The following RBM15 variants were observed in gnomAD, a reference collection of about 807,000 sequenced individuals.
RBM15 encodes RNA-binding protein 15.
RBM15 carries 8 observed loss-of-function variants against 62.6 expected under a neutral mutation model. The observed-to-expected ratio is 0.13, with a 90% CI of 0.07 to 0.23. RBM15 has a LOEUF of 0.23. RBM15 is among the 10% of genes least tolerant of loss of function. The probability of loss-of-function intolerance (pLI) is 1.00; values close to 1 mark genes in which losing one functional copy is unlikely to be tolerated. For synonymous variants in RBM15, 606 were observed against 505.7 expected, an observed-to-expected ratio of 1.20 and a Z score of -2.66; for missense variants, 1,144 against 1,286.5, an observed-to-expected ratio of 0.89 and a Z score of 1.69.
Position 110,345,602 on chromosome 1 carries a change from TGTTATAGTG to T in RBM15, c.*5_*13del, listed in dbSNP as rs1294681926. 6.2e-7 allele frequency: 1 copy of T among 1,611,260 alleles called. No individual in the cohort carries two copies. Among genetic ancestry groups the T allele is most frequent in the Non-Finnish European group, 8.5e-7 (1 of 1,178,880 alleles). ...AAGAGAGAAAACTTGGCGCTGACCC[TGTTATAGTG>T]GTTATAGTGGTGTCCCTAAAGGGAG... is the stretch of plus-strand genomic sequence containing the variant. On this transcript the variant is annotated stop_retained_variant and 3_prime_UTR_variant, in exon 2 of 3. Coordinates refer to ENST00000369784, the MANE Select transcript of RBM15 (RefSeq NM_022768.5).
rs371261444 is a variant in RBM15, at chr1:110,339,505, C to T, written c.100C>T (p.Leu34Phe). The stretch of plus-strand genomic sequence containing the variant: ...GAGCGCGGGGCGGCGGGTTACTCAG[C>T]TCCGCGGAGACGACCTCCGACGACC... ...ETSAGRRVTQLRGDDLRRPAT... is the reference protein window; with the variant it reads ...ETSAGRRVTQFRGDDLRRPAT... Residue 34 changes from leucine to phenylalanine, a missense_variant, in exon 1 of 3, where the codon CTC becomes TTC. Physicochemically the swap from Leu to Phe is conservative, Grantham distance 22. Around this residue, in one of 8 missense-constraint regions of RBM15, gnomAD observed 298 missense variants for 250.0 expected, o/e 1.19. Transcript: ENST00000369784. 5.1e-5 allele frequency: 81 copies of T among 1,596,174 alleles called. No individual in the cohort carries two copies. Among genetic ancestry groups the T allele is most frequent in the Non-Finnish European group, 6.9e-5 (81 of 1,168,696 alleles).
intron 2 of RBM15, among the ~76,000 whole-genome samples, chr1:110,345,940 C>T (rs917009164): frequency 6.6e-6 from 1 of 152,020 alleles, no homozygotes; most frequent in African/African-American, 2.4e-5. Context: ...TTTATAGTTT[C>T]ACTTTTTAAG....
chr1:110,341,400 T>G lies in RBM15; in HGVS notation c.1995T>G (p.Arg665=). The G allele has an allele frequency of 6.2e-7, 1 of 1,614,106 alleles. No homozygotes were observed. Among genetic ancestry groups the G allele is most frequent in the Non-Finnish European group, 8.5e-7 (1 of 1,180,032 alleles). Residue 665 remains arginine (R), a synonymous_variant, in exon 1 of 3, where the codon CGT becomes CGG. Coordinates refer to ENST00000369784, the MANE Select transcript of RBM15 (RefSeq NM_022768.5). The surrounding 1 kb of genome is among the most constrained non-coding windows in gnomAD (Gnocchi z 4.5). ...RSPESDRPRK[R]HCAPSPDRSP... Reference sequence around the variant, plus strand: ...CTGAGAGTGACCGCCCACGAAAACGTCACTGCGCTCCTTCTCCTGACCGCA... The same window carrying G: ...CTGAGAGTGACCGCCCACGAAAACGGCACTGCGCTCCTTCTCCTGACCGCA...
At position 110,340,389 on chromosome 1, in the gene RBM15, GAGAGAA is replaced by G. The variant is rs1660770492; in HGVS notation, c.990_995del (p.Glu330_Arg331del). On this transcript the variant is annotated inframe_deletion, in exon 1 of 3. Coordinates refer to ENST00000369784, the MANE Select transcript of RBM15 (RefSeq NM_022768.5). This position sits in a 1 kb window ranked among gnomAD's most constrained non-coding sequence, Gnocchi z 5.8. ...CGCCACCATTGCCTCGAGACCTGGA[GAGAGAA>G]AGAGACTACCCGTTCTATGAGAGAG... 6.2e-7 allele frequency: 1 copy of G among 1,614,088 alleles called. No individual in the cohort carries two copies. Among genetic ancestry groups the G allele is most frequent in the African/African-American group, 1.3e-5 (1 of 74,938 alleles).
Position 110,340,317 on chromosome 1 carries a change from C to G in RBM15, c.912C>G (p.Asp304Glu). The G allele has an allele frequency of 6.2e-7, 1 of 1,614,248 alleles. No homozygotes were observed. The highest frequency in any genetic ancestry group is 8.5e-7 in the Non-Finnish European group (1 of 1,180,038). The stretch of plus-strand genomic sequence containing the variant: ...GTGGCGCTGCTTTGGGATACAGAGA[C>G]TACCGGCTGCAGCAGTTGGCTCTTG... Reference protein sequence around the residue: ...SPGGAALGYRDYRLQQLALGR... With the variant: ...SPGGAALGYREYRLQQLALGR... The change falls in exon 1 of 3, where the codon GAC becomes GAG. Residue 304 changes from aspartate to glutamate, a missense_variant. By Grantham distance (45) the Asp-to-Glu change is conservative. Coordinates refer to ENST00000369784, the MANE Select transcript of RBM15 (RefSeq NM_022768.5). This position sits in a 1 kb window ranked among gnomAD's most constrained non-coding sequence, Gnocchi z 5.8.
At position 110,340,926 on chromosome 1, in the gene RBM15, G is replaced by T; in HGVS notation, c.1521G>T (p.Trp507Cys). The change falls in exon 1 of 3, where the codon TGG becomes TGT. Residue 507 changes from tryptophan to cysteine, a missense_variant. By Grantham distance (215) the Trp-to-Cys change is radical. Coordinates refer to ENST00000369784, the MANE Select transcript of RBM15 (RefSeq NM_022768.5). The surrounding 1 kb of genome is among the most constrained non-coding windows in gnomAD (Gnocchi z 5.8). ...YESLDAAHAA[W>C]THMRGFPLGG... ...GCCTGGATGCAGCGCATGCTGCCTG[G>T]ACCCATATGCGGGGCTTCCCACTTG... 1 of 1,614,216 alleles carries T rather than the reference G, an allele frequency of 6.2e-7. No homozygotes were observed. Among genetic ancestry groups the T allele is most frequent in the Non-Finnish European group, 8.5e-7 (1 of 1,180,042 alleles).
In RBM15 at chr1:110,345,138, C is replaced by T. The variant is rs932605806; in HGVS notation, c.2864-401C>T. Among the ~76,000 whole-genome samples, 7 of 152,202 alleles carry T rather than the reference C, an allele frequency of 4.6e-5. No individual in the cohort carries two copies. In the South Asian group the frequency reaches 6.2e-4, roughly 14 times the overall value. The stretch of plus-strand genomic sequence containing the variant: ...GAGGATTACATCTTAAAATGTCCAT[C>T]GCCTGGCTGGTTATAAGCATTTGTC... On this transcript the variant is annotated intron_variant, in intron 1 of 2. Coordinates refer to ENST00000369784, the MANE Select transcript of RBM15 (RefSeq NM_022768.5).
chr1:110,343,994 G>A (rs1660852045), intron 1 of RBM15, among the ~76,000 whole-genome samples: 1 of 152,084 alleles, frequency 6.6e-6, no homozygotes, highest in South Asian at 2.1e-4. Flanking sequence ...AGGTTTTGTG[G>A]GGGTTTTTGT....
In RBM15 at chr1:110,341,096, C is replaced by A; in HGVS notation, c.1691C>A (p.Ala564Asp). The change falls in exon 1 of 3, where the codon GCT (alanine) becomes GAT (aspartate). Residue 564 changes from alanine to aspartate, a missense_variant. Around this residue, in one of 8 missense-constraint regions of RBM15, gnomAD observed 360 missense variants for 342.9 expected, o/e 1.05. Coordinates refer to ENST00000369784, the MANE Select transcript of RBM15 (RefSeq NM_022768.5). This position sits in a 1 kb window ranked among gnomAD's most constrained non-coding sequence, Gnocchi z 4.5. ...CGGGCACCAGACCCTTTGAGGGGTG[C>A]TCGGGATAGGACACCACCCTTACTA... The part of the protein sequence containing the change: ...GHRAPDPLRG[A>D]RDRTPPLLYR... The A allele has an allele frequency of 6.2e-7, 1 of 1,614,162 alleles. No homozygotes were observed.
In RBM15 at chr1:110,341,986, T is replaced by C; in HGVS notation, c.2581T>C (p.Leu861=). 1 of 1,614,246 alleles carries C rather than the reference T, an allele frequency of 6.2e-7. No individual in the cohort carries two copies. Among genetic ancestry groups the C allele is most frequent in the Non-Finnish European group, 8.5e-7 (1 of 1,180,044 alleles). The change falls in exon 1 of 3, where the codon TTG becomes CTG. Residue 861 remains leucine (L), a synonymous_variant. Coordinates refer to ENST00000369784, the MANE Select transcript of RBM15 (RefSeq NM_022768.5). This position sits in a 1 kb window ranked among gnomAD's most constrained non-coding sequence, Gnocchi z 4.5. ...AGGGCCCAATGGTTATGCCATTCTT[T>C]TGGCTGTGCCTGGAAGTTCTGACAG... The part of the protein sequence containing the change: ...VAGPNGYAIL[L]AVPGSSDSRS...
chr1:110,339,632 G>A lies in RBM15; in HGVS notation c.227G>A (p.Gly76Asp). ...GGTGAGCGGAGCAAGAAGTTAGGGG[G>A]CTCTGGTGGCAGCAATGGGAGCAGC... is the stretch of plus-strand genomic sequence containing the variant. ...SRGERSKKLGGSGGSNGSSSG... is the reference protein window; with the variant it reads ...SRGERSKKLGDSGGSNGSSSG... Residue 76 changes from glycine (G) to aspartate (D), a missense_variant, in exon 1 of 3, where the codon GGC becomes GAC. This residue lies in a region of RBM15 where 298 missense variants were observed against 250.0 expected (regional missense o/e 1.19). Coordinates refer to ENST00000369784, the MANE Select transcript of RBM15 (RefSeq NM_022768.5). The A allele has an allele frequency of 6.2e-7, 1 of 1,613,372 alleles. No homozygotes were observed. Among genetic ancestry groups the A allele is most frequent in the Non-Finnish European group, 8.5e-7 (1 of 1,179,868 alleles).
rs1407034304 is a variant in RBM15, at chr1:110,345,623, G to A, written c.*14G>A. The A allele has an allele frequency of 6.3e-7, 1 of 1,589,062 alleles. No individual in the cohort carries two copies. Among genetic ancestry groups the A allele is most frequent in the Non-Finnish European group, 8.5e-7 (1 of 1,171,474 alleles). On this transcript the variant is annotated 3_prime_UTR_variant, in exon 2 of 3. Coordinates refer to ENST00000369784, the MANE Select transcript of RBM15 (RefSeq NM_022768.5). ...ACCCTGTTATAGTGGTTATAGTGGT[G>A]TCCCTAAAGGGAGGAAATGATTTCA...
Position 110,339,386 on chromosome 1 carries a change from G to A in RBM15, c.-20G>A, listed in dbSNP as rs764638145. 4.0e-6 allele frequency: 6 copies of A among 1,505,068 alleles called. No individual in the cohort carries two copies. The highest frequency in any genetic ancestry group is 4.6e-5 in the East Asian group (2 of 43,608). The allele number at this position is 1,505,068 out of a possible 1,614,324, so 93.2% of individuals were successfully genotyped here. On this transcript the variant is annotated 5_prime_UTR_variant, in exon 1 of 3. Coordinates refer to ENST00000369784, the MANE Select transcript of RBM15 (RefSeq NM_022768.5). Reference sequence around the variant, plus strand: ...AAATAATTTTCCCAATGAGACTGTAGAAGAGAGAGCAATTGGCCAATGAGG... The same window carrying A: ...AAATAATTTTCCCAATGAGACTGTAAAAGAGAGAGCAATTGGCCAATGAGG...
In RBM15 at chr1:110,341,098, C is replaced by A; in HGVS notation, c.1693C>A (p.Arg565=). The A allele has an allele frequency of 1.2e-6, 2 of 1,614,096 alleles. No homozygotes were observed. The highest frequency in any genetic ancestry group is 1.7e-6 in the Non-Finnish European group (2 of 1,180,026). ...GGCACCAGACCCTTTGAGGGGTGCT[C>A]GGGATAGGACACCACCCTTACTATA... ...HRAPDPLRGA[R]DRTPPLLYRD... The change falls in exon 1 of 3, where the codon CGG becomes AGG. Residue 565 remains arginine, a synonymous_variant. Coordinates refer to ENST00000369784, the MANE Select transcript of RBM15 (RefSeq NM_022768.5). This position sits in a 1 kb window ranked among gnomAD's most constrained non-coding sequence, Gnocchi z 4.5.
Position 110,339,850 on chromosome 1 carries a change from G to A in RBM15, c.445G>A (p.Gly149Arg), listed in dbSNP as rs1176494994. ...GCGCAGCAGCTCCCGGGGTGGAGGC[G>A]GGGAGTCACGTTCCTCTGGGGCCGC... The part of the protein sequence containing the change: ...ESRSSSRGGG[G>R]ESRSSGAASS... Residue 149 changes from glycine to arginine, a missense_variant, in exon 1 of 3, where the codon GGG becomes AGG. Around this residue, in one of 8 missense-constraint regions of RBM15, gnomAD observed 298 missense variants for 250.0 expected, o/e 1.19. Coordinates refer to ENST00000369784, the MANE Select transcript of RBM15 (RefSeq NM_022768.5). 6.3e-7 allele frequency: 1 copy of A among 1,599,224 alleles called. No individual in the cohort carries two copies. The highest frequency in any genetic ancestry group is 8.6e-7 in the Non-Finnish European group (1 of 1,169,258).
rs1660787609 is a variant in RBM15 at position 110,341,200 on chromosome 1, C to G, written c.1795C>G (p.Arg599Gly). The G allele has an allele frequency of 6.2e-7, 1 of 1,613,978 alleles. No homozygotes were observed. The highest frequency in any genetic ancestry group is 8.5e-7 in the Non-Finnish European group (1 of 1,180,030). ...PPPPVRERSTRTAATSVPAYE... is the reference protein window; with the variant it reads ...PPPPVRERSTGTAATSVPAYE... Reference sequence around the variant, plus strand: ...ACCCCCAGTCCGAGAACGCAGCACTCGGACTGCAGCTACTTCTGTGCCTGC... The same window carrying G: ...ACCCCCAGTCCGAGAACGCAGCACTGGGACTGCAGCTACTTCTGTGCCTGC... Residue 599 changes from arginine (R) to glycine (G), a missense_variant, in exon 1 of 3, where the codon CGG becomes GGG. Transcript: ENST00000369784. The surrounding 1 kb of genome is among the most constrained non-coding windows in gnomAD (Gnocchi z 4.5).
At chr1:110,344,729 A>C (rs1660866590) in intron 1 of RBM15, among the ~76,000 whole-genome samples, 1 of 152,150 alleles carries the variant, frequency 6.6e-6, no homozygotes, top group African/African-American at 2.4e-5. Flanking sequence ...CAAAAGTCTA[A>C]AACCGGTTCT....
rs747077640 is a variant in RBM15 at position 110,342,157 on chromosome 1, G to A, written c.2752G>A (p.Gly918Arg). The change falls in exon 1 of 3, where the codon GGG becomes AGG. Residue 918 changes from glycine (G) to arginine (R), a missense_variant. This residue lies in a region of RBM15 where 144 missense variants were observed against 223.3 expected (regional missense o/e 0.64). Coordinates refer to ENST00000369784, the MANE Select transcript of RBM15 (RefSeq NM_022768.5). ...VGGNKDKENT[G>R]VLHAFPPCEF... ...GGGCAACAAAGACAAGGAAAACACCGGGGTCCTTCATGCCTTCCCACCTTG... is the reference window on the plus strand; with the variant it reads ...GGGCAACAAAGACAAGGAAAACACCAGGGTCCTTCATGCCTTCCCACCTTG... 26 of 1,614,102 alleles carry A rather than the reference G, an allele frequency of 1.6e-5. No individual in the cohort carries two copies. Among genetic ancestry groups the A allele is most frequent in the Non-Finnish European group, 2.0e-5 (24 of 1,179,994 alleles).
In RBM15 at chr1:110,345,593, C is replaced by A; in HGVS notation, c.2918C>A (p.Ala973Glu). 6.2e-7 allele frequency: 1 copy of A among 1,611,478 alleles called. No individual in the cohort carries two copies. Among genetic ancestry groups the A allele is most frequent in the South Asian group, 1.1e-5 (1 of 90,616 alleles). ...RYENKKRENL[A>E]LTLL ...GAGAACAAGAAGAGAGAAAACTTGG[C>A]GCTGACCCTGTTATAGTGGTTATAG... The change falls in exon 2 of 3, where the codon GCG becomes GAG. Residue 973 changes from alanine (A) to glutamate (E), a missense_variant. By Grantham distance (107) the Ala-to-Glu change is moderately radical (BLOSUM62 -1). This residue lies in a region of RBM15 where 144 missense variants were observed against 223.3 expected (regional missense o/e 0.64). Transcript: ENST00000369784.
Sources: gnomAD v4.1 joint callset for allele counts (sites outside exome capture counted in the v4.1 genomes callset) on GRCh38, gnomAD v4.1.1 for gene constraint, gnomAD v4.1.1 regional missense constraint, Gnocchi (gnomAD v3.1) non-coding constraint, MANE v1.5 for transcripts, NCBI Gene and HGNC (gene_info 2026-07-23, HGNC 2026-07-21) for gene names.